The following ZNF521 variants were observed in gnomAD, a reference collection of about 807,000 sequenced individuals.
The protein encoded by ZNF521 is zinc finger protein 521.
A neutral mutation model predicts 105.5 loss-of-function variants in ZNF521; 14 were observed. The observed-to-expected ratio is 0.13, with a 90% confidence interval of 0.09 to 0.21. The LOEUF (loss-of-function observed/expected upper bound fraction) is 0.21. Ranked by LOEUF, ZNF521 falls within the 10% of genes least tolerant of loss-of-function variation. The pLI is 1.00. For missense variants in ZNF521, 1,233 were observed against 1,629.7 expected (o/e 0.76, Z 4.19); for synonymous variants, 635 against 606.0 (o/e 1.05, Z -0.70).
At chr18:25,156,321 C>G (rs575661839) in intron 5 of ZNF521, among the ~76,000 whole-genome samples, 21 of 152,304 alleles carry the variant, frequency 1.4e-4, no homozygotes, top group African/African-American at 5.1e-4. Flanking sequence ...CCATCAGCAT[C>G]CATTTCTATG....
At chr18:25,099,811 G>A (rs2033930250) in intron 5 of ZNF521, among the ~76,000 whole-genome samples, 1 of 152,210 alleles carries the variant, frequency 6.6e-6, no homozygotes, top group African/African-American at 2.4e-5. Flanking sequence ...TGGAAGTACA[G>A]GTATATTTAC....
chr18:25,153,807 T>C (rs62083880), intron 5 of ZNF521, among the ~76,000 whole-genome samples: 46,040 of 152,004 alleles, frequency 0.3, 7,283 homozygotes, highest in East Asian at 0.36. Context: ...TTCTCCTCCT[T>C]CTCCTCTCCA....
intron 5 of ZNF521, among the ~76,000 whole-genome samples, chr18:25,118,475 T>C (rs1202770448): frequency 2.0e-5 from 3 of 152,082 alleles, no homozygotes; most frequent in Admixed American, 6.5e-5. Flanking sequence ...TTATTACCTA[T>C]GTAGACATAA....
intron 5 of ZNF521, 75 bp from the exon 6 acceptor site, chr18:25,092,156 T>C: frequency 6.5e-7 from 1 of 1,549,696 alleles, no homozygotes; most frequent in South Asian, 1.2e-5. Flanking sequence ...TTATCTTTAA[T>C]TGCATATATT....
intron 2 of ZNF521, chr18:25,327,640 G>A (rs189631234): frequency 1.5e-5 from 8 of 521,012 alleles, no homozygotes; most frequent in East Asian, 5.4e-5. Context: ...ACCAAAGGGC[G>A]GGATCATTAT....
Position 25,226,637 on chromosome 18 carries a change from A to T in ZNF521, c.1281T>A (p.Thr427=). ...CCTGTTCTGGCTTATCTAAGTGCAT[A>T]GTTTTCAGGTGAATCTGCAGAACTG... The part of the protein sequence containing the change: ...SLAVLQIHLK[T]MHLDKPEQAH... The change falls in exon 4 of 8, where the codon ACT becomes ACA. Residue 427 remains threonine (T), a synonymous_variant. Transcript: ENST00000361524. The surrounding 1 kb of genome is among the most constrained non-coding windows in gnomAD (Gnocchi z 4.1). The T allele has an allele frequency of 1.9e-6, 3 of 1,614,184 alleles. No individual in the cohort carries two copies. Among genetic ancestry groups the T allele is most frequent in the Non-Finnish European group, 8.5e-7 (1 of 1,180,030 alleles).
chr18:25,317,068 G>A (rs185692771), intron 3 of ZNF521, among the ~76,000 whole-genome samples: 3 of 151,976 alleles, frequency 2.0e-5, no homozygotes, highest in East Asian at 1.9e-4. Flanking sequence ...TTTTGGCCAG[G>A]CTAGTCTCAA....
chr18:25,278,336 G>A (rs541186189), intron 3 of ZNF521, among the ~76,000 whole-genome samples: 73 of 152,264 alleles, frequency 4.8e-4, no homozygotes, highest in African/African-American at 1.7e-3. Context: ...AAAGAGACAA[G>A]TATTTCCAAC....
intron 2 of ZNF521, among the ~76,000 whole-genome samples, chr18:25,341,100 C>T (rs2145206687): frequency 6.6e-6 from 1 of 152,264 alleles, no homozygotes; most frequent in South Asian, 2.1e-4. Context: ...AACACGAAGA[C>T]CATCAAGACA....
chr18:25,235,929 A>G (rs1273400108), intron 3 of ZNF521, among the ~76,000 whole-genome samples: 1 of 132,136 alleles, frequency 7.6e-6, no homozygotes, highest in Non-Finnish European at 1.6e-5. Flanking sequence ...GGGAACTATT[A>G]CTACAATTAT....
At chr18:25,153,855 T>C (rs765444847) in intron 5 of ZNF521, among the ~76,000 whole-genome samples, 9 of 152,110 alleles carry the variant, frequency 5.9e-5, no homozygotes, top group African/African-American at 9.7e-5. Flanking sequence ...GCGACAAAGG[T>C]TCACCAGTCG....
intron 3 of ZNF521, among the ~76,000 whole-genome samples, chr18:25,264,970 C>A (rs1446843028): frequency 2.0e-5 from 3 of 152,110 alleles, no homozygotes; most frequent in Non-Finnish European, 4.4e-5. Flanking sequence ...CAGCATATTC[C>A]TCTGGGTGAA....
chr18:25,142,253 C>T (rs1268366025), intron 5 of ZNF521, among the ~76,000 whole-genome samples: 2 of 152,166 alleles, frequency 1.3e-5, no homozygotes, highest in Non-Finnish European at 2.9e-5. Flanking sequence ...CAAGTTCTCT[C>T]ATCCATCTCT....
At chr18:25,246,493 A>G (rs1034206458) in intron 3 of ZNF521, among the ~76,000 whole-genome samples, 1 of 152,104 alleles carries the variant, frequency 6.6e-6, no homozygotes, top group Non-Finnish European at 1.5e-5. Context: ...CCATCCAACT[A>G]ATCTGTTCAC....
chr18:25,154,377 G>T (rs548373422), intron 5 of ZNF521, among the ~76,000 whole-genome samples: 138 of 152,248 alleles, frequency 9.1e-4, no homozygotes, highest in African/African-American at 3.1e-3. Flanking sequence ...TGGACAAAAA[G>T]ATTTTTCTCA....
At chr18:25,091,890 T>G in intron 6 of ZNF521, 60 bp downstream of exon 6, 3 of 1,587,264 alleles carry the variant, frequency 1.9e-6, no homozygotes, top group Non-Finnish European at 2.6e-6. Flanking sequence ...AATGCTTTGG[T>G]AGGAAAGACA....
intron 5 of ZNF521, among the ~76,000 whole-genome samples, chr18:25,095,398 T>G (rs1223397054): frequency 6.6e-6 from 1 of 152,168 alleles, no homozygotes; most frequent in Non-Finnish European, 1.5e-5. Context: ...GACTCATTTA[T>G]TAAAAAGAGA....
At chr18:25,166,711 A>G (rs1330005989) in intron 5 of ZNF521, among the ~76,000 whole-genome samples, 2 of 152,168 alleles carry the variant, frequency 1.3e-5, no homozygotes, top group African/African-American at 4.8e-5. Context: ...ACAAACATCC[A>G]TGTTTCTGTT....
intron 7 of ZNF521, among the ~76,000 whole-genome samples, chr18:25,089,256 C>G (rs1474561368): frequency 6.6e-6 from 1 of 152,190 alleles, no homozygotes; most frequent in Non-Finnish European, 1.5e-5. Context: ...TAGGTCTGTT[C>G]TAGTTCTTTT....
Sources: gnomAD v4.1 joint callset for allele counts (sites outside exome capture counted in the v4.1 genomes callset) on GRCh38, gnomAD v4.1.1 for gene constraint, Gnocchi (gnomAD v3.1) non-coding constraint, MANE v1.5 for transcripts, NCBI Gene and HGNC (gene_info 2026-07-23, HGNC 2026-07-21) for gene names.